The following DCAF8 variants were observed in gnomAD, a reference collection of about 807,000 sequenced individuals.
DCAF8 encodes the protein DDB1- and CUL4-associated factor 8.
In DCAF8, 20 loss-of-function variants were observed where a neutral mutation model predicts 68.0. The ratio of observed to expected loss-of-function variants is 0.29; its 90% CI spans 0.21 to 0.43. DCAF8 has a LOEUF of 0.43. Among genes scored for constraint, DCAF8 ranks in the 20% least tolerant of loss-of-function variants. The probability of loss-of-function intolerance (pLI) is 1.00; values close to 1 mark genes in which losing one functional copy is unlikely to be tolerated. For missense variants in DCAF8, 460 were observed against 771.0 expected, an observed-to-expected ratio of 0.60 and a Z score of 4.78; for synonymous variants, 230 against 276.9, an observed-to-expected ratio of 0.83 and a Z score of 1.68.
intron 7 of DCAF8, 76 bp downstream of exon 7, chr1:160,231,221 C>T: frequency 9.8e-7 from 1 of 1,019,682 alleles, no homozygotes; most frequent in Middle Eastern, 2.1e-4. Context: ...CGTAACTCTC[C>T]ATAAAGGAGC....
intron 2 of DCAF8, among the ~76,000 whole-genome samples, chr1:160,253,326 C>T (rs916284209): frequency 6.6e-6 from 1 of 151,960 alleles, no homozygotes; most frequent in Non-Finnish European, 1.5e-5. Context: ...CATCAGGAGA[C>T]CCTGTCTCTA....
intron 2 of DCAF8, among the ~76,000 whole-genome samples, chr1:160,258,615 CA>C (rs113023280): frequency 6.2e-5 from 9 of 146,294 alleles, no homozygotes; most frequent in Admixed American, 1.4e-4. Context: ...AACAAACAAA[CA>C]AAAAAAAAAC....
intron 2 of DCAF8, among the ~76,000 whole-genome samples, chr1:160,258,355 T>C (rs960364826): frequency 1.3e-5 from 2 of 151,948 alleles, no homozygotes; most frequent in African/African-American, 4.8e-5. Flanking sequence ...AATAAATAAA[T>C]AGACTGCACT....
At chr1:160,217,924 T>C in intron 13 of DCAF8, 2 of 532,318 alleles carry the variant, frequency 3.8e-6, no homozygotes, top group Non-Finnish European at 6.6e-6. Flanking sequence ...ATACACAGAA[T>C]GGGTATGGCT....
rs1656017444 is a variant in DCAF8, at chr1:160,239,520, C to A, written c.723+177G>T. On this transcript the variant is annotated intron_variant, in intron 4 of 13. Transcript: ENST00000368074. ...CCAACAGTCCACATGCTCAAGGAATCTAGGGTTGCCAAGAGTCTTTCAGTG... is the reference window on the plus strand; with the variant it reads ...CCAACAGTCCACATGCTCAAGGAATATAGGGTTGCCAAGAGTCTTTCAGTG... 2.6e-6 allele frequency: 4 copies of A among 1,512,666 alleles called. No individual in the cohort carries two copies. The South Asian group carries it at 3.9e-5, about 15-fold the overall frequency. The allele number at this position is 1,512,666 out of a possible 1,614,324, so 93.7% of individuals were successfully genotyped here.
At chr1:160,241,419 G>C (rs1656111542) in intron 3 of DCAF8, among the ~76,000 whole-genome samples, 1 of 152,150 alleles carries the variant, frequency 6.6e-6, no homozygotes, top group African/African-American at 2.4e-5. Context: ...TTGATAAAAA[G>C]CTGGGCTACT....
chr1:160,245,989 T>G (rs1421792923), intron 2 of DCAF8, among the ~76,000 whole-genome samples: 1 of 151,982 alleles, frequency 6.6e-6, no homozygotes, highest in African/African-American at 2.4e-5. Context: ...AAATACAAAA[T>G]TAGCTGGGCA....
At chr1:160,238,487 A>C in intron 5 of DCAF8, 120 bp downstream of exon 5, 1 of 1,131,860 alleles carries the variant, frequency 8.8e-7, no homozygotes, top group East Asian at 2.8e-5. Context: ...CTTAGGACTG[A>C]AAGAGGTGAG....
chr1:160,230,656 C>T (rs1398115082), intron 7 of DCAF8, among the ~76,000 whole-genome samples: 4 of 152,178 alleles, frequency 2.6e-5, no homozygotes, highest in South Asian at 2.1e-4. Context: ...TATTTACATA[C>T]GAAAAAGGTA....
intron 6 of DCAF8, among the ~76,000 whole-genome samples, chr1:160,236,884 A>G (rs1046081977): frequency 3.3e-5 from 5 of 152,256 alleles, no homozygotes; most frequent in African/African-American, 9.6e-5. Context: ...GTGAATAAAG[A>G]GCAAAAGATC....
At chr1:160,220,335 T>C (rs1051363928) in intron 11 of DCAF8, 2 of 152,186 alleles carry the variant, frequency 1.3e-5, no homozygotes, top group Non-Finnish European at 2.9e-5. Flanking sequence ...TACAGACCTG[T>C]ACTCTGAGCT....
Position 160,217,483 on chromosome 1 carries a change from CA to C in DCAF8, c.*108del. 6 of 751,508 alleles carry C rather than the reference CA, an allele frequency of 8.0e-6. No homozygotes were observed. Among genetic ancestry groups the C allele is most frequent in the South Asian group, 5.7e-5 (3 of 52,906 alleles). 46.6% of individuals were successfully genotyped at this position (751,508 alleles called of 1,614,324 possible). The stretch of plus-strand genomic sequence containing the variant: ...TGGGATGTCTTTCTTTTATCTAAAG[CA>C]AAAAGTCCAAAGTGCGTTTCTGCTG... On this transcript the variant is annotated 3_prime_UTR_variant, in exon 14 of 14. Coordinates refer to ENST00000368074, the MANE Select transcript of DCAF8 (RefSeq NM_015726.4).
rs1055363207 is a variant in DCAF8, at chr1:160,262,472, A to G, written c.-124T>C. On this transcript the variant is annotated 5_prime_UTR_variant, in exon 1 of 14. Coordinates refer to ENST00000368074, the MANE Select transcript of DCAF8 (RefSeq NM_015726.4). ...ACACTGGCCAGCGGCCGCCACCACC[A>G]CCGCCTCCGCTCTCTGCGCTTGCGC... 4 of 400,978 alleles carry G rather than the reference A, an allele frequency of 1.0e-5. No homozygotes were observed. Among genetic ancestry groups the G allele is most frequent in the East Asian group, 7.1e-5 (2 of 28,180 alleles). 24.8% of individuals were successfully genotyped at this position (400,978 alleles called of 1,614,324 possible).
chr1:160,237,029 A>T, intron 6 of DCAF8, 106 bp downstream of exon 6: 1 of 727,174 alleles, frequency 1.4e-6, no homozygotes, highest in Non-Finnish European at 2.2e-6. Context: ...AACCATAGGC[A>T]CAAAGGTACT....
At chr1:160,260,142 T>A (rs1657030137) in intron 2 of DCAF8, among the ~76,000 whole-genome samples, 1 of 151,960 alleles carries the variant, frequency 6.6e-6, no homozygotes, top group African/African-American at 2.4e-5. Flanking sequence ...GTTCTTAGAT[T>A]ACTAAGAGCT....
rs550937474 is a variant in DCAF8, at chr1:160,235,226, T to C, written c.959+1909A>G. Among the ~76,000 whole-genome samples, 619 of 150,712 alleles carry C rather than the reference T, an allele frequency of 4.1e-3. 7 individuals are homozygous for C. The highest frequency in any genetic ancestry group is 0.014 in the African/African-American group (585 of 40,424). On this transcript the variant is annotated intron_variant, in intron 6 of 13. Coordinates refer to ENST00000368074, the MANE Select transcript of DCAF8 (RefSeq NM_015726.4). ...TCAGCTCACTGCAACCTCCACCTCC[T>C]GGGCTCAAGCGATTCTCCTGTCTCA...
rs1427450429 is a variant in DCAF8 at position 160,218,364 on chromosome 1, C to T, written c.1637G>A (p.Trp546Ter). ...CTGTCTCAGGTGATGCATAAGGAAC[C>T]ACAGCATGTGACTATCAAACAGGTC... ...QTDLFDSHML[W>*]FLMHHLRQRR... is the part of the protein sequence containing the mutation. The change falls in exon 13 of 14, where the codon TGG becomes TAG. Residue 546 changes from tryptophan (W) to a stop codon, truncating the protein, a stop_gained. Transcript: ENST00000368074. LOFTEE classifies it high-confidence loss of function. 6.2e-7 allele frequency: 1 copy of T among 1,614,024 alleles called. No homozygotes were observed. Among genetic ancestry groups the T allele is most frequent in the Non-Finnish European group, 8.5e-7 (1 of 1,180,018 alleles).
At chr1:160,246,218 T>C (rs770653120) in intron 2 of DCAF8, among the ~76,000 whole-genome samples, 2 of 152,122 alleles carry the variant, frequency 1.3e-5, no homozygotes, top group Admixed American at 6.6e-5. Flanking sequence ...GATCTGATGT[T>C]TTCCCACCTC....
intron 6 of DCAF8, among the ~76,000 whole-genome samples, chr1:160,236,319 T>C (rs747736198): frequency 6.6e-6 from 1 of 151,040 alleles, no homozygotes; most frequent in Non-Finnish European, 1.5e-5. Flanking sequence ...TATACGTGTG[T>C]GTATATAAAT....
Sources: gnomAD v4.1 joint callset for allele counts (sites outside exome capture counted in the v4.1 genomes callset) on GRCh38, gnomAD v4.1.1 for gene constraint, MANE v1.5 for transcripts, NCBI Gene and HGNC (gene_info 2026-07-23, HGNC 2026-07-21) for gene names.